The following ETNK1 variants were observed in gnomAD, a reference collection of about 807,000 sequenced individuals.
ETNK1 encodes the protein ethanolamine kinase 1.
In ETNK1, 8 loss-of-function variants were observed where a neutral mutation model predicts 45.1. That is an observed-to-expected ratio of 0.18 (90% CI 0.10 to 0.32). The LOEUF is 0.32. ETNK1 is among the 10% of genes least tolerant of loss of function. ETNK1 has a pLI of 1.00. For missense variants in ETNK1, 302 were observed against 430.6 expected (o/e 0.70, Z 2.64); for synonymous variants, 152 against 151.9 (o/e 1.00, Z -0.01).
chr12:22,625,850 G>T (rs1348215577), intron 1 of ETNK1: 1 of 684,830 alleles, frequency 1.5e-6, no homozygotes, highest in Non-Finnish European at 2.7e-6. Flanking sequence ...TCCACGGGGG[G>T]AGATTCCTGC....
At chr12:22,667,235 AT>A (rs1954062305) in intron 4 of ETNK1, among the ~76,000 whole-genome samples, 1 of 152,184 alleles carries the variant, frequency 6.6e-6, no homozygotes, top group African/African-American at 2.4e-5. Context: ...TTGTACTTGA[AT>A]AAAAATGTCA....
At chr12:22,678,479 G>C (rs1954181559) in intron 6 of ETNK1, among the ~76,000 whole-genome samples, 1 of 152,180 alleles carries the variant, frequency 6.6e-6, no homozygotes, top group Admixed American at 6.5e-5. Flanking sequence ...ATAAGGAAAT[G>C]ATCAAAGTCT....
intron 2 of ETNK1, among the ~76,000 whole-genome samples, chr12:22,647,811 A>G (rs1953825026): frequency 6.6e-6 from 1 of 151,978 alleles, no homozygotes; most frequent in Admixed American, 6.6e-5. Flanking sequence ...TATTTGAGGA[A>G]TTCTCTGAAG....
intron 1 of ETNK1, among the ~76,000 whole-genome samples, chr12:22,638,253 GGGT>G (rs1348927302): frequency 2.1e-5 from 3 of 143,574 alleles, no homozygotes; most frequent in Non-Finnish European, 4.7e-5. Flanking sequence ...CTTTAAGGTG[GGGT>G]TTTTTTTTTT....
chr12:22,630,209 A>G (rs531946073), intron 1 of ETNK1, among the ~76,000 whole-genome samples: 13 of 152,232 alleles, frequency 8.5e-5, no homozygotes, highest in Non-Finnish European at 1.3e-4. Flanking sequence ...TGAGAATTCA[A>G]TGAAATACCT....
At position 22,625,370 on chromosome 12, in the gene ETNK1, C is replaced by G. The variant is rs370044157; in HGVS notation, c.-61C>G. ...AAGGATCCACCAGTCTGTCGGCGCC[C>G]GCCGTTCTCGTGGTCGCCGTCGCCG... On this transcript the variant is annotated 5_prime_UTR_variant, in exon 1 of 8. Coordinates refer to ENST00000266517, the MANE Select transcript of ETNK1 (RefSeq NM_018638.5). 3 of 1,568,206 alleles carry G rather than the reference C, an allele frequency of 1.9e-6. No homozygotes were observed. Among genetic ancestry groups the G allele is most frequent in the Admixed American group, 1.8e-5 (1 of 54,230 alleles).
At chr12:22,672,439 A>G (rs1412368692) in intron 5 of ETNK1, among the ~76,000 whole-genome samples, 1 of 152,136 alleles carries the variant, frequency 6.6e-6, no homozygotes, top group Non-Finnish European at 1.5e-5. Flanking sequence ...AAAAAATTTT[A>G]ATTTGATGTT....
chr12:22,672,034 A>G (rs1193575670), intron 5 of ETNK1, among the ~76,000 whole-genome samples: 1 of 152,018 alleles, frequency 6.6e-6, no homozygotes, highest in African/African-American at 2.4e-5. Flanking sequence ...AATACAGAGA[A>G]CTAAGATTTG....
chr12:22,684,379 G>C, intron 6 of ETNK1, 104 bp from the exon 7 acceptor site: 1 of 745,118 alleles, frequency 1.3e-6, no homozygotes, highest in Non-Finnish European at 2.2e-6. Flanking sequence ...CAGCAAGAAA[G>C]TGTGGTGCAT....
At chr12:22,676,774 CT>C (rs1954166580) in intron 6 of ETNK1, among the ~76,000 whole-genome samples, 1 of 151,942 alleles carries the variant, frequency 6.6e-6, no homozygotes, top group Non-Finnish European at 1.5e-5. Flanking sequence ...TGATGATGAG[CT>C]TTTTTTCATA....
At chr12:22,656,819 A>G (rs1953947750) in intron 2 of ETNK1, 6 of 978,920 alleles carry the variant, frequency 6.1e-6, no homozygotes, top group Non-Finnish European at 1.2e-6. Flanking sequence ...GTTAGAGTTA[A>G]ATATCTGTGA....
At chr12:22,673,692 T>C in intron 6 of ETNK1, 32 bp downstream of exon 6, 1 of 1,539,882 alleles carries the variant, frequency 6.5e-7, no homozygotes, top group Non-Finnish European at 8.8e-7. Context: ...TAATGAAAGG[T>C]TCTTACTGTA....
intron 6 of ETNK1, among the ~76,000 whole-genome samples, chr12:22,683,261 C>CTT (rs572284999): frequency 1.4e-5 from 2 of 142,850 alleles, no homozygotes. Flanking sequence ...TATTCCTGTT[C>CTT]TTTTTTTTTT....
intron 3 of ETNK1, 42 bp from the exon 4 acceptor site, chr12:22,661,021 A>G (rs1953993595): frequency 9.6e-6 from 15 of 1,564,008 alleles, no homozygotes; most frequent in Non-Finnish European, 1.2e-5. Flanking sequence ...AAACTTGAAA[A>G]AAATGTCACA....
At chr12:22,641,785 A>C (rs1953740880) in intron 1 of ETNK1, among the ~76,000 whole-genome samples, 1 of 152,210 alleles carries the variant, frequency 6.6e-6, no homozygotes, top group Admixed American at 6.5e-5. Flanking sequence ...AGATTATATT[A>C]TTCACATATC....
intron 4 of ETNK1, among the ~76,000 whole-genome samples, chr12:22,670,215 C>T (rs952985264): frequency 6.6e-6 from 1 of 152,050 alleles, no homozygotes; most frequent in Non-Finnish European, 1.5e-5. Context: ...TGTTCTCCTA[C>T]CTAAGCCTGA....
intron 7 of ETNK1, 89 bp downstream of exon 7, chr12:22,684,645 G>A: frequency 2.1e-6 from 2 of 963,232 alleles, no homozygotes; most frequent in Middle Eastern, 2.5e-4. Flanking sequence ...GTAGTTATTT[G>A]CAATCAATTA....
At chr12:22,641,825 T>C (rs1000829766) in intron 1 of ETNK1, among the ~76,000 whole-genome samples, 2 of 152,176 alleles carry the variant, frequency 1.3e-5, no homozygotes, top group African/African-American at 2.4e-5. Context: ...TTTCCAGTTA[T>C]GTAGCTGTTG....
In ETNK1 at chr12:22,648,349, A is replaced by G. The variant is rs76010545; in HGVS notation, c.416+4327A>G. Among the ~76,000 whole-genome samples, 1,000 of 152,060 alleles carry G rather than the reference A, an allele frequency of 6.6e-3. 11 individuals carry two copies. The highest frequency in any genetic ancestry group is 0.023 in the African/African-American group (955 of 41,546). On this transcript the variant is annotated intron_variant, in intron 2 of 7. Coordinates refer to ENST00000266517, the MANE Select transcript of ETNK1 (RefSeq NM_018638.5). ...ACAGAGGAGTTTCACTGCTCTAAAA[A>G]AATCCTCTGTGCTCTGCCTATTCAT...
Sources: gnomAD v4.1 joint callset for allele counts (sites outside exome capture counted in the v4.1 genomes callset) on GRCh38, gnomAD v4.1.1 for gene constraint, MANE v1.5 for transcripts, NCBI Gene and HGNC (gene_info 2026-07-23, HGNC 2026-07-21) for gene names.